The following RAD51B variants were observed in gnomAD, a reference collection of about 807,000 sequenced individuals.
The protein encoded by RAD51B is DNA repair protein RAD51 homolog 2.
In RAD51B, 38 loss-of-function variants were observed where a neutral mutation model predicts 42.2. That is an observed-to-expected ratio of 0.90 (90% confidence interval 0.70 to 1.18). RAD51B has a LOEUF of 1.18. RAD51B is among the 50% of genes most tolerant of loss of function. RAD51B has a pLI of 0.00. For missense variants in RAD51B, 373 were observed against 400.7 expected (o/e 0.93, Z 0.59); for synonymous variants, 154 against 145.2 (o/e 1.06, Z -0.43).
intron 10 of RAD51B, chr14:68,541,733 G>C (rs1887979391): frequency 2.0e-6 from 2 of 985,252 alleles, no homozygotes; most frequent in Admixed American, 6.1e-5. Context: ...GGAATTTGTA[G>C]TAACAGCTGT....
chr14:68,460,453 C>CA (rs889090657), intron 9 of RAD51B, among the ~76,000 whole-genome samples: 1 of 152,102 alleles, frequency 6.6e-6, no homozygotes, highest in Admixed American at 6.5e-5. Flanking sequence ...GACTCCATCT[C>CA]AAAAAAACAA....
At position 68,543,756 on chromosome 14, in the gene RAD51B, G is replaced by A. The variant is rs143479444; in HGVS notation, c.1037-50729G>A. Among the ~76,000 whole-genome samples, 58 of 152,218 alleles carry A rather than the reference G, an allele frequency of 3.8e-4. No individual in the cohort carries two copies. The East Asian group carries it at 0.01, about 27-fold the overall frequency. On this transcript the variant is annotated intron_variant, in intron 10 of 10. Transcript: ENST00000487270. ...CTGGGGCCAACCACTCCCTACGTTT[G>A]TATAATGCTGTATGGTTTTCAAAGC...
At chr14:67,987,941 G>A (rs1161958188) in intron 7 of RAD51B, among the ~76,000 whole-genome samples, 1 of 152,218 alleles carries the variant, frequency 6.6e-6, no homozygotes, top group Non-Finnish European at 1.5e-5. Context: ...AATGCCGAGT[G>A]ATTTTATTCT....
chr14:67,859,133 T>C (rs1391309360), intron 4 of RAD51B, among the ~76,000 whole-genome samples: 1 of 152,230 alleles, frequency 6.6e-6, no homozygotes, highest in Non-Finnish European at 1.5e-5. Context: ...GACTGTTGGG[T>C]ATCAGTTATA....
At chr14:67,890,512 C>A (rs1227404211) in intron 7 of RAD51B, among the ~76,000 whole-genome samples, 1 of 151,600 alleles carries the variant, frequency 6.6e-6, no homozygotes, top group African/African-American at 2.4e-5. Context: ...GCACAATGTG[C>A]AGGTTAGTTA....
At chr14:68,540,408 C>A in intron 10 of RAD51B, 1 of 984,988 alleles carries the variant, frequency 1.0e-6, no homozygotes, top group Non-Finnish European at 1.2e-6. Context: ...ATGACTTATT[C>A]AGCCCTCCCT....
chr14:68,580,065 A>G (rs1890143142), intron 10 of RAD51B, among the ~76,000 whole-genome samples: 1 of 152,224 alleles, frequency 6.6e-6, no homozygotes, highest in South Asian at 2.1e-4. Flanking sequence ...GGTGCTGCCT[A>G]TGAAGCACTG....
chr14:67,822,558 A>G (rs2040668202), intron 1 of RAD51B, among the ~76,000 whole-genome samples: 1 of 151,270 alleles, frequency 6.6e-6, no homozygotes, highest in East Asian at 1.9e-4. Flanking sequence ...CCCTGTCTCT[A>G]CAAAAAATAC....
At chr14:68,515,346 T>TA (rs1886054574) in intron 10 of RAD51B, among the ~76,000 whole-genome samples, 1 of 151,902 alleles carries the variant, frequency 6.6e-6, no homozygotes, top group African/African-American at 2.4e-5. Flanking sequence ...GTTGCCTAAA[T>TA]GATGGTCTAA....
chr14:68,033,550 A>G (rs998962678), intron 7 of RAD51B, among the ~76,000 whole-genome samples: 2 of 135,642 alleles, frequency 1.5e-5, no homozygotes, highest in Non-Finnish European at 3.1e-5. Flanking sequence ...ATTTTCAACT[A>G]GAAGTTGAGT....
chr14:68,152,265 A>G (rs757135134), intron 7 of RAD51B, among the ~76,000 whole-genome samples: 1 of 152,210 alleles, frequency 6.6e-6, no homozygotes, highest in Non-Finnish European at 1.5e-5. Flanking sequence ...CTTCCTCCCC[A>G]TGGAAATGTT....
chr14:68,282,512 A>G (rs1158456710), intron 7 of RAD51B, among the ~76,000 whole-genome samples: 1 of 152,022 alleles, frequency 6.6e-6, no homozygotes, highest in Non-Finnish European at 1.5e-5. Context: ...GTCTATATTG[A>G]TGTCATTTCT....
At position 67,887,131 on chromosome 14, in the gene RAD51B, T is replaced by C; in HGVS notation, c.683T>C (p.Leu228Pro). ...TTTGATGCACAACTTCAAGGCAATC[T>C]CAAAGAAAGAAACAAGTTCTTGGCA... The part of the protein sequence containing the change: ...KEFDAQLQGN[L>P]KERNKFLARE... Residue 228 changes from leucine to proline, a missense_variant, in exon 7 of 11, where the codon CTC (leucine) becomes CCC (proline). Coordinates refer to ENST00000471583, the MANE Select transcript of RAD51B (RefSeq NM_133510.4). The C allele has an allele frequency of 6.2e-7, 1 of 1,611,844 alleles. No individual in the cohort carries two copies. Among genetic ancestry groups the C allele is most frequent in the African/African-American group, 1.3e-5 (1 of 74,986 alleles).
At chr14:68,650,720 A>G in intron 10 of RAD51B, 1 of 708,234 alleles carries the variant, frequency 1.4e-6, no homozygotes, top group South Asian at 1.5e-5. Flanking sequence ...AGCCTGGATG[A>G]ATCCTCTCAA....
At chr14:67,898,211 A>G (rs141890473) in intron 7 of RAD51B, among the ~76,000 whole-genome samples, 263 of 152,318 alleles carry the variant, frequency 1.7e-3, no homozygotes, top group African/African-American at 6.1e-3. Flanking sequence ...AGAAAATGTC[A>G]TATACACACA....
At chr14:68,123,931 GC>G (rs1366128360) in intron 7 of RAD51B, among the ~76,000 whole-genome samples, 1 of 152,150 alleles carries the variant, frequency 6.6e-6, no homozygotes, top group Non-Finnish European at 1.5e-5. Flanking sequence ...TGGATAAAAA[GC>G]CTAGTTGGTC....
At chr14:68,656,716 C>T (rs1001915961) in intron 11 of RAD51B, among the ~76,000 whole-genome samples, 1 of 152,140 alleles carries the variant, frequency 6.6e-6, no homozygotes, top group African/African-American at 2.4e-5. Context: ...GCCCCCAGGT[C>T]CCCCACCCCT....
chr14:68,054,844 G>A (rs564786794), intron 7 of RAD51B, among the ~76,000 whole-genome samples: 5 of 152,176 alleles, frequency 3.3e-5, no homozygotes, highest in African/African-American at 7.2e-5. Context: ...TTGGTGGGGG[G>A]CGGTTGGTCT....
At chr14:67,856,098 A>G (rs535533856) in intron 4 of RAD51B, among the ~76,000 whole-genome samples, 47 of 152,234 alleles carry the variant, frequency 3.1e-4, no homozygotes, top group African/African-American at 1.1e-3. Flanking sequence ...ATCCCTTAAT[A>G]CTGTTTGATT....
Sources: gnomAD v4.1 joint callset for allele counts (sites outside exome capture counted in the v4.1 genomes callset) on GRCh38, gnomAD v4.1.1 for gene constraint, MANE v1.5 for transcripts, NCBI Gene and HGNC (gene_info 2026-07-23, HGNC 2026-07-21) for gene names.